Variants in NRG3 observed in about 807,000 individuals in gnomAD.
NRG3 encodes the protein pro-neuregulin-3, membrane-bound isoform.
Under a neutral mutation model 66.9 loss-of-function variants are expected in NRG3, and 31 were observed. The observed-to-expected ratio is 0.46, with a 90% CI of 0.35 to 0.63. NRG3 has a LOEUF of 0.63. Among genes scored for constraint, NRG3 ranks in the 20% least tolerant of loss-of-function variants. The pLI is 0.00. For missense variants in NRG3, 910 were observed against 878.9 expected (o/e 1.04, Z -0.45); for synonymous variants, 393 against 359.4 (o/e 1.09, Z -1.06).
chr10:82,803,542 C>T (rs2061142251), intron 3 of NRG3, among the ~76,000 whole-genome samples: 2 of 152,000 alleles, frequency 1.3e-5, no homozygotes, highest in African/African-American at 4.8e-5. Context: ...TAATTTTTCA[C>T]CTTAAAGAGT....
rs1385609774 is a variant in NRG3, at chr10:82,952,516, T to TG, written c.1157+946dup. On this transcript the variant is annotated intron_variant, in intron 5 of 8. Coordinates refer to ENST00000372141, the MANE Select transcript of NRG3 (RefSeq NM_001010848.4). ...GTGTGTGTGTGTGTGTGTGTGTGTG[T>TG]GTGTATTTTTCCAAATGAACTCTGG... Among the ~76,000 whole-genome samples, 7 of 147,138 alleles carry TG rather than the reference T, an allele frequency of 4.8e-5. No individual in the cohort carries two copies. The East Asian group carries it at 1.2e-3, about 25-fold the overall frequency.
intron 2 of NRG3, among the ~76,000 whole-genome samples, chr10:82,360,537 AT>A (rs1249885856): frequency 6.6e-6 from 1 of 152,210 alleles, no homozygotes; most frequent in Admixed American, 6.5e-5. Context: ...GGCTGAGATG[AT>A]TCATCTTTTC....
intron 4 of NRG3, among the ~76,000 whole-genome samples, chr10:82,914,923 A>T (rs1176466833): frequency 6.6e-6 from 1 of 152,178 alleles, no homozygotes; most frequent in Admixed American, 6.5e-5. Flanking sequence ...GTTAAGGAGA[A>T]CAGAACATTC....
intron 1 of NRG3, among the ~76,000 whole-genome samples, chr10:82,185,782 C>T (rs2073765445): frequency 1.3e-5 from 2 of 152,118 alleles, no homozygotes; most frequent in South Asian, 4.1e-4. Flanking sequence ...AGAAATGCTC[C>T]AGGACTGCAT....
At chr10:82,219,875 G>A (rs2075855853) in intron 1 of NRG3, among the ~76,000 whole-genome samples, 1 of 151,756 alleles carries the variant, frequency 6.6e-6, no homozygotes, top group African/African-American at 2.4e-5. Flanking sequence ...CATTGAAAAA[G>A]GGAATAATAC....
intron 1 of NRG3, among the ~76,000 whole-genome samples, chr10:81,876,396 T>TGGCCCCACTTTAGCG (rs1343531536): frequency 6.6e-6 from 1 of 152,084 alleles, no homozygotes; most frequent in Non-Finnish European, 1.5e-5. Context: ...CAGGCTCCAC[T>TGGCCCCACTTTAGCG]GGCCCCACTT....
At chr10:81,983,289 A>T (rs182119539) in intron 1 of NRG3, among the ~76,000 whole-genome samples, 1 of 152,334 alleles carries the variant, frequency 6.6e-6, no homozygotes, top group East Asian at 1.9e-4. Flanking sequence ...TTGTTCTAGG[A>T]TACCTGGAAT....
chr10:82,306,810 C>T (rs2080763986), intron 1 of NRG3, among the ~76,000 whole-genome samples: 1 of 146,894 alleles, frequency 6.8e-6, no homozygotes, highest in Non-Finnish European at 1.5e-5. Flanking sequence ...GGTTCTTTGA[C>T]AACTTCATAT....
chr10:82,740,494 A>G (rs1325603403), intron 3 of NRG3, among the ~76,000 whole-genome samples: 1 of 152,106 alleles, frequency 6.6e-6, no homozygotes, highest in East Asian at 1.9e-4. Flanking sequence ...TACAGTCACT[A>G]TCCCTGAAAA....
chr10:81,886,390 C>T (rs1021080311), intron 1 of NRG3, among the ~76,000 whole-genome samples: 8 of 152,034 alleles, frequency 5.3e-5, no homozygotes, highest in African/African-American at 9.7e-5. Flanking sequence ...TCTATTAAAA[C>T]GAAGTTCATT....
chr10:82,521,592 G>C (rs543125513), intron 2 of NRG3, among the ~76,000 whole-genome samples: 1 of 152,072 alleles, frequency 6.6e-6, no homozygotes, highest in Non-Finnish European at 1.5e-5. Context: ...CGCCCGCCTT[G>C]GCCTCCCAAA....
At chr10:82,379,715 G>A (rs1433686948) in intron 2 of NRG3, among the ~76,000 whole-genome samples, 1 of 152,068 alleles carries the variant, frequency 6.6e-6, no homozygotes, top group East Asian at 1.9e-4. Flanking sequence ...TAGTATCTTT[G>A]TATATATGTA....
At chr10:82,610,609 G>T (rs1039327167) in intron 2 of NRG3, among the ~76,000 whole-genome samples, 1 of 152,038 alleles carries the variant, frequency 6.6e-6, no homozygotes. Flanking sequence ...ACATAATTTT[G>T]TACCCCTAAT....
rs375943034 is a variant in NRG3, at chr10:81,990,306, A to AT, written c.823+114145dup. Among the ~76,000 whole-genome samples the AT allele has an allele frequency of 1.8e-4, 27 of 152,292 alleles. 2 individuals are homozygous for AT. Among genetic ancestry groups the AT allele is most frequent in the African/African-American group, 6.3e-4 (26 of 41,580 alleles). On this transcript the variant is annotated intron_variant, in intron 1 of 8. Transcript: ENST00000372141. ...GTATCCTGAGGCTGTTTACTCTCAT[A>AT]TTAAAAGTGGAGAATTTGAAGATAA...
chr10:82,869,681 C>G (rs976219177), intron 4 of NRG3, among the ~76,000 whole-genome samples: 18 of 151,472 alleles, frequency 1.2e-4, no homozygotes, highest in Non-Finnish European at 1.3e-4. Flanking sequence ...CATCTCGGCT[C>G]ACTGCAAGCT....
intron 2 of NRG3, among the ~76,000 whole-genome samples, chr10:82,564,775 G>A (rs1477368469): frequency 6.6e-6 from 1 of 151,976 alleles, no homozygotes; most frequent in Non-Finnish European, 1.5e-5. Flanking sequence ...AAAAAATATG[G>A]CAATTATTTC....
At chr10:82,036,313 A>G (rs1176285639) in intron 1 of NRG3, among the ~76,000 whole-genome samples, 1 of 152,140 alleles carries the variant, frequency 6.6e-6, no homozygotes, top group African/African-American at 2.4e-5. Flanking sequence ...AGGGGAGGCC[A>G]TTAAACCCAA....
At chr10:82,402,100 G>GA (rs1351826402) in intron 2 of NRG3, among the ~76,000 whole-genome samples, 1 of 151,868 alleles carries the variant, frequency 6.6e-6, no homozygotes, top group African/African-American at 2.4e-5. Context: ...AACATCTTTA[G>GA]AAAGAAAGCA....
intron 1 of NRG3, among the ~76,000 whole-genome samples, chr10:82,042,715 T>G (rs751116261): frequency 2.0e-5 from 3 of 152,056 alleles, no homozygotes; most frequent in Non-Finnish European, 4.4e-5. Context: ...CCTCTCATTT[T>G]CAAATGAAAA....
Sources: gnomAD v4.1 joint callset for allele counts (sites outside exome capture counted in the v4.1 genomes callset) on GRCh38, gnomAD v4.1.1 for gene constraint, MANE v1.5 for transcripts, NCBI Gene and HGNC (gene_info 2026-07-23, HGNC 2026-07-21) for gene names.